GRB10: variants seen among roughly 807,000 people sequenced by gnomAD.
GRB10 encodes growth factor receptor-bound protein 10.
In GRB10, 20 loss-of-function variants were observed where a neutral mutation model predicts 80.9. That is an observed-to-expected ratio of 0.25 (90% CI 0.17 to 0.36). The LOEUF is 0.36. Among genes scored for constraint, GRB10 ranks in the 10% least tolerant of loss-of-function variants. The pLI is 1.00. For synonymous variants in GRB10, 291 were observed against 291.5 expected (o/e 1.00, Z 0.02); for missense variants, 548 against 747.7 (o/e 0.73, Z 3.12).
chr7:50,772,834 C>T (rs1414762624), intron 2 of GRB10, among the ~76,000 whole-genome samples: 2 of 152,164 alleles, frequency 1.3e-5, no homozygotes, highest in African/African-American at 4.8e-5. Context: ...CAGAAAAGGA[C>T]AAAACAGTTG....
Position 50,669,727 on chromosome 7 carries a change from T to G in GRB10, c.499A>C (p.Lys167Gln), listed in dbSNP as rs1294371937. 36 of 1,612,998 alleles carry G rather than the reference T, an allele frequency of 2.2e-5. No homozygotes were observed. Among genetic ancestry groups the G allele is most frequent in the Non-Finnish European group, 2.9e-5 (34 of 1,179,996 alleles). Residue 167 changes from lysine to glutamine, a missense_variant, in exon 7 of 19, where the codon AAG becomes CAG. This residue lies in a region of GRB10 where 245 missense variants were observed against 229.3 expected (regional missense o/e 1.07). Transcript: ENST00000401949. ...CCAGCCAGGGGCACACTCACCTGCT[T>G]TGCGGCGGCCTGGCTCGGAGGTAAA... ...GSLPPSQAAAKQDVKVFSEDG... is the reference protein window; with the variant it reads ...GSLPPSQAAAQQDVKVFSEDG...
intron 7 of GRB10, among the ~76,000 whole-genome samples, chr7:50,664,218 G>A (rs530236957): frequency 3.9e-5 from 6 of 152,318 alleles, no homozygotes; most frequent in Admixed American, 1.3e-4. Flanking sequence ...TGCAGGAACC[G>A]AGAAGGCCTT....
chr7:50,612,966 A>C (rs2049855576), intron 12 of GRB10, 127 bp from the exon 13 acceptor site: 1 of 716,040 alleles, frequency 1.4e-6, no homozygotes, highest in South Asian at 1.5e-5. Flanking sequence ...CAAGGAGCAC[A>C]GCAGATACAC....
At chr7:50,691,964 AG>A (rs1401778280) in intron 5 of GRB10, among the ~76,000 whole-genome samples, 2 of 152,200 alleles carry the variant, frequency 1.3e-5, no homozygotes, top group Non-Finnish European at 2.9e-5. Context: ...TACTAACAAA[AG>A]TTACTTCTGC....
chr7:50,731,627 A>G (rs2069745878), intron 4 of GRB10, among the ~76,000 whole-genome samples: 1 of 152,264 alleles, frequency 6.6e-6, no homozygotes, highest in Non-Finnish European at 1.5e-5. Context: ...ACACCAAGTG[A>G]AAGTTCAAAT....
chr7:50,623,011 T>C (rs1243009559), intron 8 of GRB10, among the ~76,000 whole-genome samples: 2 of 152,142 alleles, frequency 1.3e-5, no homozygotes, highest in African/African-American at 4.8e-5. Context: ...GGCTGACTGT[T>C]TAATATCACT....
chr7:50,732,282 G>A lies in GRB10; in HGVS notation c.41C>T (p.Pro14Leu), dbSNP rs754152902. 31 of 1,613,944 alleles carry A rather than the reference G, an allele frequency of 1.9e-5. No individual in the cohort carries two copies. Among genetic ancestry groups the A allele is most frequent in the East Asian group, 1.3e-4 (6 of 44,890 alleles). ...TGTGCTCGCCCATACCTGGTAGTACGGATGGTGCAAAAAGGAATCTGGGCA... is the reference window on the plus strand; with the variant it reads ...TGTGCTCGCCCATACCTGGTAGTACAGATGGTGCAAAAAGGAATCTGGGCA... ...AGCPDSFLHH[P>L]YYQDKVEQTP... is the part of the protein sequence containing the mutation. Residue 14 changes from proline (P) to leucine (L), a missense_variant, in exon 4 of 19, where the codon CCG becomes CTG. Pro to Leu is a moderately conservative substitution (Grantham distance 98). This residue lies in a region of GRB10 where 245 missense variants were observed against 229.3 expected (regional missense o/e 1.07). Transcript: ENST00000401949.
intron 7 of GRB10, among the ~76,000 whole-genome samples, chr7:50,656,728 C>A (rs1256142762): frequency 6.6e-6 from 1 of 152,212 alleles, no homozygotes; most frequent in Non-Finnish European, 1.5e-5. Flanking sequence ...GCCACTCTCT[C>A]ATTAGGGAGA....
At chr7:50,657,343 C>T (rs2058744970) in intron 7 of GRB10, among the ~76,000 whole-genome samples, 1 of 152,136 alleles carries the variant, frequency 6.6e-6, no homozygotes. Flanking sequence ...AAGAAGAAAG[C>T]AATGTTGCTT....
intron 5 of GRB10, among the ~76,000 whole-genome samples, chr7:50,678,476 C>T (rs763129032): frequency 2.0e-5 from 3 of 152,134 alleles, no homozygotes; most frequent in Non-Finnish European, 4.4e-5. Flanking sequence ...ATTTTAAATG[C>T]CATACTTTAG....
At chr7:50,605,112 C>T (rs1468376744) in intron 15 of GRB10, 178 bp downstream of exon 15, 1 of 629,452 alleles carries the variant, frequency 1.6e-6, no homozygotes, top group East Asian at 2.6e-5. Context: ...AGGCTGGGTG[C>T]TGGGAACATG....
At chr7:50,749,570 G>T in intron 3 of GRB10, among the ~76,000 whole-genome samples, 1 of 152,228 alleles carries the variant, frequency 6.6e-6, no homozygotes, top group South Asian at 2.1e-4. Context: ...TAATCTCCAG[G>T]AGTTCTTCTT....
chr7:50,643,998 T>C (rs767816819), intron 7 of GRB10, among the ~76,000 whole-genome samples: 2 of 152,160 alleles, frequency 1.3e-5, no homozygotes, highest in African/African-American at 2.4e-5. Flanking sequence ...TCACTCAGCA[T>C]CTCAGTAGTA....
chr7:50,769,851 C>T (rs975155052), intron 2 of GRB10, among the ~76,000 whole-genome samples: 2 of 152,136 alleles, frequency 1.3e-5, no homozygotes, highest in African/African-American at 4.8e-5. Flanking sequence ...TCGATTAACA[C>T]TCCTTTGTTC....
chr7:50,606,776 A>G (rs2048613820), intron 13 of GRB10: 5 of 321,614 alleles, frequency 1.6e-5, no homozygotes, highest in South Asian at 1.1e-4. Context: ...TAAGAAAATC[A>G]TAAGAGACAA....
intron 5 of GRB10, among the ~76,000 whole-genome samples, chr7:50,681,779 G>A (rs1453860235): frequency 6.6e-6 from 1 of 152,022 alleles, no homozygotes; most frequent in Admixed American, 6.5e-5. Flanking sequence ...CATTTTTCAC[G>A]TTTCACGGGG....
chr7:50,743,764 G>A (rs957034912), intron 3 of GRB10, among the ~76,000 whole-genome samples: 1 of 152,176 alleles, frequency 6.6e-6, no homozygotes, highest in Non-Finnish European at 1.5e-5. Flanking sequence ...CTCACCACTA[G>A]CACTGGTGTC....
chr7:50,594,258 A>G (rs1420148109), intron 18 of GRB10, among the ~76,000 whole-genome samples: 3 of 152,138 alleles, frequency 2.0e-5, no homozygotes, highest in Non-Finnish European at 4.4e-5. Flanking sequence ...TTTCCTCACG[A>G]GTAAGGTGGG....
intron 2 of GRB10, among the ~76,000 whole-genome samples, chr7:50,777,687 T>A (rs147495182): frequency 0.051 from 7,759 of 151,960 alleles, 302 homozygotes; most frequent in East Asian, 0.2. Context: ...AATGATAGAC[T>A]GGATAAAGAA....
Sources: gnomAD v4.1 joint callset for allele counts (sites outside exome capture counted in the v4.1 genomes callset) on GRCh38, gnomAD v4.1.1 for gene constraint, gnomAD v4.1.1 regional missense constraint, MANE v1.5 for transcripts, NCBI Gene and HGNC (gene_info 2026-07-23, HGNC 2026-07-21) for gene names.